SPTA1: variants seen among roughly 807,000 people sequenced by gnomAD.
SPTA1 encodes the protein spectrin alpha chain, erythrocytic 1.
Under a neutral mutation model 324.7 loss-of-function variants are expected in SPTA1, and 177 were observed. The observed-to-expected ratio is 0.55, with a 90% CI of 0.48 to 0.62. The LOEUF (loss-of-function observed/expected upper bound fraction) is 0.62, where lower values mean the gene tolerates loss of function less well. Among genes scored for constraint, SPTA1 ranks in the 20% least tolerant of loss-of-function variants. The pLI, the probability that SPTA1 is intolerant of heterozygous loss-of-function variation, is 0.00. For missense variants in SPTA1, 3,162 were observed against 2,883.6 expected (o/e 1.10, Z -2.21); for synonymous variants, 1,195 against 1,041.3 (o/e 1.15, Z -2.84).
intron 8 of SPTA1, 73 bp from the exon 9 acceptor site, chr1:158,674,748 T>C (rs1654287667): frequency 3.8e-6 from 6 of 1,595,486 alleles, no homozygotes; most frequent in Non-Finnish European, 4.3e-6. Context: ...AGATTTAGGT[T>C]TGGGGTGAGG....
chr1:158,626,327 T>C, intron 41 of SPTA1, 105 bp from the exon 42 acceptor site: 1 of 1,049,452 alleles, frequency 9.5e-7, no homozygotes, highest in Non-Finnish European at 1.4e-6. Flanking sequence ...GCTTCTTGAC[T>C]CTCAAAGTTG....
intron 51 of SPTA1, chr1:158,611,695 G>A: frequency 3.4e-6 from 1 of 291,806 alleles, no homozygotes; most frequent in Non-Finnish European, 6.6e-6. Flanking sequence ...TTGACCACTT[G>A]ATCTATTTCA....
intron 16 of SPTA1, among the ~76,000 whole-genome samples, chr1:158,664,542 T>TA (rs977285269): frequency 1.8e-4 from 27 of 152,050 alleles, no homozygotes; most frequent in African/African-American, 6.5e-4. Flanking sequence ...CTTAAATACC[T>TA]AATGCATGCA....
rs540011978 is a variant in SPTA1, at chr1:158,644,282, C to A, written c.4309G>T (p.Asp1437Tyr). The change falls in exon 30 of 52, where the codon GAC becomes TAC. Residue 1437 changes from aspartate to tyrosine, a missense_variant. Asp to Tyr is a radical substitution (Grantham distance 160). Coordinates refer to ENST00000643759, the MANE Select transcript of SPTA1 (RefSeq NM_003126.4). The stretch of plus-strand genomic sequence containing the variant: ...GCAGTGATTGCTTTGTCCAAATCGT[C>A]CCGTTTCTTCATCAAAGCCTCCAGA... ...DSLEALMKKR[D>Y]DLDKAITAQE... 46 of 1,613,858 alleles carry A rather than the reference C, an allele frequency of 2.9e-5. No individual in the cohort carries two copies. The highest frequency in any genetic ancestry group is 1.7e-4 in the Middle Eastern group (1 of 6,058).
intron 26 of SPTA1, 36 bp downstream of exon 26, chr1:158,648,473 G>A: frequency 1.2e-6 from 2 of 1,613,556 alleles, no homozygotes; most frequent in Non-Finnish European, 1.7e-6. Context: ...ATATAGACTG[G>A]AAAGTGTTGG....
intron 16 of SPTA1, among the ~76,000 whole-genome samples, chr1:158,664,605 A>G (rs2101896766): frequency 6.6e-6 from 1 of 152,340 alleles, no homozygotes; most frequent in African/African-American, 2.4e-5. Flanking sequence ...ACCATGGTAC[A>G]TGTATACTTA....
intron 39 of SPTA1, among the ~76,000 whole-genome samples, chr1:158,633,632 G>T (rs1650840066): frequency 6.8e-6 from 1 of 147,820 alleles, no homozygotes; most frequent in African/African-American, 2.5e-5. Flanking sequence ...CTGCACTCCA[G>T]GCTGGGAGAC....
At chr1:158,672,533 T>C (rs564814626) in intron 10 of SPTA1, among the ~76,000 whole-genome samples, 2 of 152,252 alleles carry the variant, frequency 1.3e-5, no homozygotes, top group East Asian at 3.9e-4. Flanking sequence ...CATAAGCAAA[T>C]GAACTGCAAA....
At position 158,611,337 on chromosome 1, in the gene SPTA1, A is replaced by C. The variant is rs1557916028; in HGVS notation, c.7187T>G (p.Met2396Arg). 1.9e-6 allele frequency: 3 copies of C among 1,613,828 alleles called. No individual in the cohort carries two copies. ...SFCATHMQQY[M>R]DPRGRSHLSG... Reference sequence around the variant, plus strand: ...GAGATGGCTTCGACCCCGTGGGTCCATATATTGCTGCATATGTGTGGCACA... The same window carrying C: ...GAGATGGCTTCGACCCCGTGGGTCCCTATATTGCTGCATATGTGTGGCACA... Residue 2396 changes from methionine to arginine, a missense_variant, in exon 52 of 52, where the codon ATG becomes AGG. Physicochemically the swap from Met to Arg is moderately conservative, Grantham distance 91. Coordinates refer to ENST00000643759, the MANE Select transcript of SPTA1 (RefSeq NM_003126.4).
chr1:158,671,206 A>C, intron 12 of SPTA1, 137 bp downstream of exon 12: 5 of 694,590 alleles, frequency 7.2e-6, no homozygotes, highest in East Asian at 2.7e-5. Flanking sequence ...CAACGAAAGA[A>C]GAGATGCAAC....
intron 37 of SPTA1, 32 bp downstream of exon 37, chr1:158,636,608 TC>T: frequency 6.2e-7 from 1 of 1,612,804 alleles, no homozygotes; most frequent in African/African-American, 1.3e-5. Flanking sequence ...TAGGATGATT[TC>T]TATATTTTCA....
At chr1:158,624,537 C>T (rs1256541683) in intron 42 of SPTA1, among the ~76,000 whole-genome samples, 1 of 152,086 alleles carries the variant, frequency 6.6e-6, no homozygotes, top group African/African-American at 2.4e-5. Flanking sequence ...CCAATTTATC[C>T]CATTTGGAAT....
chr1:158,611,547 A>G (rs933803451), intron 51 of SPTA1, 158 bp from the exon 52 acceptor site: 1 of 716,780 alleles, frequency 1.4e-6, no homozygotes, highest in East Asian at 2.9e-5. Context: ...ATAAATTTAT[A>G]ATTTCTAATG....
chr1:158,676,080 T>A, intron 8 of SPTA1, 61 bp downstream of exon 8: 1 of 1,607,500 alleles, frequency 6.2e-7, no homozygotes. Flanking sequence ...ATTTCTTCTC[T>A]CGCTATTATA....
chr1:158,681,620 C>T lies in SPTA1; in HGVS notation c.438G>A (p.Leu146=), dbSNP rs1280197961. The change falls in exon 4 of 52, where the codon CTG becomes CTA. Residue 146 remains leucine (L), a synonymous_variant. Transcript: ENST00000643759. ...LRHLWDLLLE[L]TLEKGDQLLR... ...GCAACTGGTCACCCTTCTCCAGGGT[C>T]AGCTCTAACAGCAGGTCCCACAGGT... 1 of 1,613,790 alleles carries T rather than the reference C, an allele frequency of 6.2e-7. No homozygotes were observed. The highest frequency in any genetic ancestry group is 8.5e-7 in the Non-Finnish European group (1 of 1,179,802).
chr1:158,678,354 T>C lies in SPTA1; in HGVS notation c.812+47A>G, dbSNP rs746253134. 7 of 1,612,410 alleles carry C rather than the reference T, an allele frequency of 4.3e-6. No homozygotes were observed. The East Asian group carries it at 1.1e-4, about 26-fold the overall frequency. ...GAGCCTAATACAAAGACACGGTTTTTATAAAGCACTTCAAAGTTTTCTATA... is the reference window on the plus strand; with the variant it reads ...GAGCCTAATACAAAGACACGGTTTTCATAAAGCACTTCAAAGTTTTCTATA... On this transcript the variant is annotated intron_variant, in intron 6 of 51. Coordinates refer to ENST00000643759, the MANE Select transcript of SPTA1 (RefSeq NM_003126.4).
At chr1:158,671,022 TC>T (rs775635986) in intron 12 of SPTA1, among the ~76,000 whole-genome samples, 1 of 152,124 alleles carries the variant, frequency 6.6e-6, no homozygotes, top group Non-Finnish European at 1.5e-5. Flanking sequence ...AGAAAAACTT[TC>T]CAGATATGCT....
In SPTA1 at chr1:158,614,325, A is replaced by C. The variant is rs1207970391; in HGVS notation, c.6789-19T>G. Reference sequence around the variant, plus strand: ...GATGTCCCTGAAAGAAAAAAAAAAAACATGAATTTTCCCTGTATATGAAAC... The same window carrying C: ...GATGTCCCTGAAAGAAAAAAAAAAACCATGAATTTTCCCTGTATATGAAAC... On this transcript the variant is annotated intron_variant, in intron 48 of 51. Transcript: ENST00000643759. The C allele has an allele frequency of 5.1e-6, 8 of 1,561,208 alleles. No homozygotes were observed. Among genetic ancestry groups the C allele is most frequent in the African/African-American group, 2.7e-5 (2 of 73,412 alleles).
intron 39 of SPTA1, 110 bp downstream of exon 39, chr1:158,634,433 A>AT: frequency 6.8e-7 from 1 of 1,469,232 alleles, no homozygotes; most frequent in South Asian, 1.1e-5. Flanking sequence ...TATTTCCTTC[A>AT]TCTTCTTTCA....
Sources: allele counts gnomAD v4.1 joint callset (sites outside exome capture counted in the v4.1 genomes callset), GRCh38; gene constraint gnomAD v4.1.1; transcripts MANE v1.5; gene names NCBI Gene and HGNC (gene_info 2026-07-23, HGNC 2026-07-21).